The following CHN2 variants were observed in gnomAD, a reference collection of about 807,000 sequenced individuals.
CHN2 encodes chimerin 2, also known as beta-chimaerin.
CHN2 carries 35 observed loss-of-function variants against 56.3 expected under a neutral mutation model. The ratio of observed to expected loss-of-function variants is 0.62; its 90% CI spans 0.47 to 0.82. CHN2 has a LOEUF of 0.82. Among genes scored for constraint, CHN2 ranks in the 40% least tolerant of loss-of-function variants. The pLI, the probability that CHN2 is intolerant of heterozygous loss-of-function variation, is 0.00. For synonymous variants in CHN2, 210 were observed against 212.8 expected, an observed-to-expected ratio of 0.99 and a Z score of 0.12; for missense variants, 491 against 580.5, an observed-to-expected ratio of 0.85 and a Z score of 1.58.
chr7:29,497,475 G>T (rs958369571), intron 8 of CHN2, among the ~76,000 whole-genome samples: 176 of 151,484 alleles, frequency 1.2e-3, no homozygotes, highest in African/African-American at 3.9e-3. Flanking sequence ...TTTTTGTGGG[G>T]TTTTTTTCTG....
At chr7:29,328,785 G>A (rs1795996945) in intron 1 of CHN2, among the ~76,000 whole-genome samples, 1 of 152,046 alleles carries the variant, frequency 6.6e-6, no homozygotes, top group Non-Finnish European at 1.5e-5. Context: ...CCTTATGCTG[G>A]AGGTCAAATG....
intron 5 of CHN2, among the ~76,000 whole-genome samples, chr7:29,398,952 T>A (rs993246360): frequency 1.3e-5 from 2 of 152,142 alleles, no homozygotes; most frequent in Admixed American, 6.5e-5. Flanking sequence ...ACATTATTAA[T>A]GTTGTACAAA....
chr7:29,151,343 G>A (rs773976234), intron 2 of CHN2, among the ~76,000 whole-genome samples: 6 of 152,138 alleles, frequency 3.9e-5, no homozygotes, highest in African/African-American at 1.2e-4. Context: ...CTCCTTTGAC[G>A]ATCCAGATGG....
intron 1 of CHN2, among the ~76,000 whole-genome samples, chr7:29,225,276 G>GACAA (rs1562845289): frequency 6.6e-6 from 1 of 152,220 alleles, no homozygotes; most frequent in South Asian, 2.1e-4. Flanking sequence ...TCATAACATT[G>GACAA]TTGTGTTGTA....
At chr7:29,398,124 G>A (rs1386254208) in intron 4 of CHN2, 3 of 311,732 alleles carry the variant, frequency 9.6e-6, no homozygotes, top group African/African-American at 2.2e-5. Flanking sequence ...CAACTTGAAA[G>A]CAAAGACAAT....
chr7:29,387,695 T>C (rs1801026803), intron 3 of CHN2, among the ~76,000 whole-genome samples: 2 of 152,240 alleles, frequency 1.3e-5, no homozygotes, highest in African/African-American at 4.8e-5. Flanking sequence ...GTTCTCCTGA[T>C]CCTGTTTAAA....
chr7:29,477,584 G>C (rs943554692), intron 6 of CHN2, among the ~76,000 whole-genome samples: 1 of 152,210 alleles, frequency 6.6e-6, no homozygotes. Flanking sequence ...GTTGGGAAAG[G>C]ACCCTTTTTG....
intron 2 of CHN2, 81 bp downstream of exon 2, chr7:29,354,744 C>A: frequency 7.9e-7 from 1 of 1,264,628 alleles, no homozygotes; most frequent in Non-Finnish European, 1.2e-6. Context: ...CGATGTAGTG[C>A]ACACAAGCGT....
intron 6 of CHN2, among the ~76,000 whole-genome samples, chr7:29,415,378 C>T (rs1275483703): frequency 2.6e-5 from 4 of 152,206 alleles, no homozygotes; most frequent in African/African-American, 9.6e-5. Flanking sequence ...TGGAGAGGCT[C>T]AAGTGGGGAG....
At chr7:29,322,606 A>G (rs147614699) in intron 1 of CHN2, among the ~76,000 whole-genome samples, 47 of 152,362 alleles carry the variant, frequency 3.1e-4, no homozygotes, top group African/African-American at 1.0e-3. Flanking sequence ...ATATCATTAC[A>G]CTGACTTTAT....
intron 2 of CHN2, among the ~76,000 whole-genome samples, chr7:29,179,435 T>C (rs1328857425): frequency 1.3e-5 from 2 of 152,238 alleles, no homozygotes; most frequent in Non-Finnish European, 1.5e-5. Flanking sequence ...GGCTGAAGTT[T>C]TGCAGTCTGA....
intron 3 of CHN2, among the ~76,000 whole-genome samples, chr7:29,387,942 C>T (rs1801052303): frequency 6.6e-6 from 1 of 152,316 alleles, no homozygotes; most frequent in East Asian, 1.9e-4. Flanking sequence ...TATACCTACT[C>T]ATTACTGCAT....
At chr7:29,340,808 C>T (rs756764171) in intron 1 of CHN2, among the ~76,000 whole-genome samples, 1 of 152,154 alleles carries the variant, frequency 6.6e-6, no homozygotes, top group Non-Finnish European at 1.5e-5. Context: ...GTAGGTAATT[C>T]CCTGGCACAT....
At chr7:29,295,588 A>T (rs1176412715) in intron 1 of CHN2, among the ~76,000 whole-genome samples, 7 of 152,134 alleles carry the variant, frequency 4.6e-5, no homozygotes, top group African/African-American at 1.7e-4. Flanking sequence ...TAAAAAAAAA[A>T]AAAATTAAAA....
intron 2 of CHN2, among the ~76,000 whole-genome samples, chr7:29,171,355 G>A (rs1041855037): frequency 3.3e-5 from 5 of 152,120 alleles, no homozygotes; most frequent in African/African-American, 1.2e-4. Context: ...GATTCTGTGG[G>A]GATACAAACC....
chr7:29,385,024 C>T (rs1356123579), intron 3 of CHN2, among the ~76,000 whole-genome samples: 1 of 152,130 alleles, frequency 6.6e-6, no homozygotes, highest in African/African-American at 2.4e-5. Context: ...TGTAGTTTAA[C>T]CTCGTTTAAA....
intron 1 of CHN2, among the ~76,000 whole-genome samples, chr7:29,287,210 C>G (rs1218963846): frequency 6.6e-6 from 1 of 152,142 alleles, no homozygotes; most frequent in African/African-American, 2.4e-5. Flanking sequence ...CAAAAATACG[C>G]TTGGTCTTCT....
intron 6 of CHN2, among the ~76,000 whole-genome samples, chr7:29,426,075 G>A (rs983460038): frequency 3.9e-5 from 6 of 151,958 alleles, no homozygotes; most frequent in African/African-American, 1.4e-4. Context: ...TGGGCATGGT[G>A]AGGCATGCCT....
chr7:29,217,517 C>G (rs1344954199), intron 1 of CHN2, among the ~76,000 whole-genome samples: 1 of 151,932 alleles, frequency 6.6e-6, no homozygotes, highest in Non-Finnish European at 1.5e-5. Context: ...CTGAAAATGC[C>G]CTGAAAGTTT....
Sources: allele counts gnomAD v4.1 joint callset (sites outside exome capture counted in the v4.1 genomes callset), GRCh38; gene constraint gnomAD v4.1.1; transcripts MANE v1.5; gene names NCBI Gene and HGNC (gene_info 2026-07-23, HGNC 2026-07-21).